NFATC3: variants seen among roughly 807,000 people sequenced by gnomAD.
The protein encoded by NFATC3 is nuclear factor of activated T cells 3, also known as nuclear factor of activated T-cells, cytoplasmic 3.
Under a neutral mutation model 98.6 loss-of-function variants are expected in NFATC3, and 46 were observed. The ratio of observed to expected loss-of-function variants is 0.47; its 90% CI spans 0.37 to 0.60. The LOEUF (loss-of-function observed/expected upper bound fraction) is 0.60, where lower values mean the gene tolerates loss of function less well. Ranked by LOEUF, NFATC3 falls within the 20% of genes least tolerant of loss-of-function variation. The pLI is 0.00. For synonymous variants in NFATC3, 512 were observed against 472.2 expected (o/e 1.08, Z -1.09); for missense variants, 1,256 against 1,295.5 (o/e 0.97, Z 0.47).
At chr16:68,182,462 T>C (rs1404398797) in intron 7 of NFATC3, among the ~76,000 whole-genome samples, 2 of 152,204 alleles carry the variant, frequency 1.3e-5, no homozygotes, top group Admixed American at 6.6e-5. Context: ...ATTTTTGATA[T>C]AGATAACACA....
At chr16:68,154,364 C>G (rs974290346) in intron 3 of NFATC3, among the ~76,000 whole-genome samples, 2 of 152,102 alleles carry the variant, frequency 1.3e-5, no homozygotes, top group African/African-American at 4.8e-5. Flanking sequence ...GCATTCATCC[C>G]TTTCCATTTC....
intron 1 of NFATC3, among the ~76,000 whole-genome samples, chr16:68,114,264 A>G (rs1443947309): frequency 1.3e-5 from 2 of 151,950 alleles, no homozygotes; most frequent in Non-Finnish European, 2.9e-5. Flanking sequence ...GGATCACACC[A>G]ACCACCTAGT....
intron 1 of NFATC3, among the ~76,000 whole-genome samples, chr16:68,092,717 C>G (rs1045376478): frequency 6.6e-6 from 1 of 152,048 alleles, no homozygotes; most frequent in Non-Finnish European, 1.5e-5. Context: ...ATAAGGATAC[C>G]CTGTTTCTTA....
In NFATC3 at chr16:68,214,159, ATTTAT is replaced by A. The variant is rs561327260; in HGVS notation, c.3107-12185_3107-12181del. Among the ~76,000 whole-genome samples, 6 of 152,282 alleles carry A rather than the reference ATTTAT, an allele frequency of 3.9e-5. No individual in the cohort carries two copies. The South Asian group carries it at 1.2e-3, about 32-fold the overall frequency. The stretch of plus-strand genomic sequence containing the variant: ...GTACCTGAGCTATCTGAACTCCAGT[ATTTAT>A]TTTATCTAATAAAATGTGGAGAGCC... On this transcript the variant is annotated intron_variant, in intron 9 of 9. Coordinates refer to ENST00000346183, the MANE Select transcript of NFATC3 (RefSeq NM_173165.3).
chr16:68,191,622 G>A lies in NFATC3; in HGVS notation c.2953G>A (p.Gly985Ser), dbSNP rs564615486. ...TCAAGCACAAAGTACGGGCCAGGGG[G>A]GTCTTTCTGCACCTTCATCCTTAAT... ...STQAQSTGQG[G>S]LSAPSSLICH... The change falls in exon 9 of 10, where the codon GGT (glycine) becomes AGT (serine). Residue 985 changes from glycine (G) to serine (S), a missense_variant. This residue lies in a region of NFATC3 where 636 missense variants were observed against 617.3 expected (regional missense o/e 1.03). Transcript: ENST00000346183. 1.5e-5 allele frequency: 25 copies of A among 1,614,070 alleles called. No homozygotes were observed. In the South Asian group the frequency reaches 2.4e-4, roughly 16 times the overall value.
chr16:68,135,977 C>G (rs1414161047), intron 3 of NFATC3, among the ~76,000 whole-genome samples: 1 of 151,824 alleles, frequency 6.6e-6, no homozygotes, highest in Non-Finnish European at 1.5e-5. Context: ...GCGAGAGTAT[C>G]ACTTGAACTC....
At chr16:68,212,637 C>G (rs1186139126) in intron 9 of NFATC3, 1 of 151,962 alleles carries the variant, frequency 6.6e-6, no homozygotes, top group Non-Finnish European at 1.5e-5. Context: ...TTGACAGCTT[C>G]CTACAATAAA....
intron 3 of NFATC3, among the ~76,000 whole-genome samples, chr16:68,152,915 G>A (rs552297549): frequency 5.3e-5 from 8 of 152,200 alleles, no homozygotes; most frequent in East Asian, 1.9e-4. Flanking sequence ...TCACACTACC[G>A]CTCAGGGCAG....
intron 1 of NFATC3, 92 bp from the exon 2 acceptor site, chr16:68,121,892 GTTA>G (rs2036600710): frequency 2.2e-6 from 3 of 1,387,372 alleles, no homozygotes; most frequent in East Asian, 2.3e-5. Context: ...TCTCGAGATT[GTTA>G]TTATTTACTT....
At chr16:68,180,309 T>G (rs1035232377) in intron 6 of NFATC3, among the ~76,000 whole-genome samples, 5 of 152,224 alleles carry the variant, frequency 3.3e-5, no homozygotes, top group South Asian at 4.1e-4. Flanking sequence ...GGAATAATGT[T>G]TAGCCTAGTT....
In NFATC3 at chr16:68,191,571, A is replaced by G; in HGVS notation, c.2902A>G (p.Arg968Gly). The change falls in exon 9 of 10, where the codon AGA becomes GGA. Residue 968 changes from arginine (R) to glycine (G), a missense_variant. Transcript: ENST00000346183. ...GTASSPSPAT[R>G]MHSGQHSTQA... is the part of the protein sequence containing the mutation. Reference sequence around the variant, plus strand: ...TGCCTCATCACCGTCTCCAGCCACCAGAATGCATTCTGGACAGCACTCAAC... The same window carrying G: ...TGCCTCATCACCGTCTCCAGCCACCGGAATGCATTCTGGACAGCACTCAAC... The G allele has an allele frequency of 6.2e-7, 1 of 1,614,166 alleles. No individual in the cohort carries two copies. Among genetic ancestry groups the G allele is most frequent in the Non-Finnish European group, 8.5e-7 (1 of 1,180,032 alleles).
intron 9 of NFATC3, among the ~76,000 whole-genome samples, chr16:68,199,014 C>T (rs1229742856): frequency 1.3e-5 from 2 of 151,764 alleles, no homozygotes; most frequent in Non-Finnish European, 2.9e-5. Context: ...CGCTGCTGCA[C>T]TCCAGCCTGG....
intron 1 of NFATC3, among the ~76,000 whole-genome samples, chr16:68,100,677 C>T (rs2035295520): frequency 6.6e-6 from 1 of 151,518 alleles, no homozygotes; most frequent in Non-Finnish European, 1.5e-5. Context: ...TCTTGGGCAG[C>T]ATTTGGTATT....
intron 3 of NFATC3, among the ~76,000 whole-genome samples, chr16:68,144,985 T>C (rs1467767761): frequency 6.6e-6 from 1 of 152,038 alleles, no homozygotes; most frequent in Non-Finnish European, 1.5e-5. Context: ...AAAAATTTTT[T>C]TCGTAGAGAT....
At chr16:68,098,103 C>A (rs1483045829) in intron 1 of NFATC3, among the ~76,000 whole-genome samples, 1 of 151,842 alleles carries the variant, frequency 6.6e-6, no homozygotes, top group Non-Finnish European at 1.5e-5. Context: ...TATCCATTCA[C>A]CTGTTGATGG....
At chr16:68,109,504 A>G (rs1006419570) in intron 1 of NFATC3, among the ~76,000 whole-genome samples, 5 of 152,184 alleles carry the variant, frequency 3.3e-5, no homozygotes, top group East Asian at 1.9e-4. Context: ...TTTGGGATCA[A>G]TGTTCATCAG....
chr16:68,086,583 T>C, intron 1 of NFATC3: 1 of 949,956 alleles, frequency 1.1e-6, no homozygotes. Context: ...AGCTCTTTTG[T>C]GACCTGGTTT....
chr16:68,191,051 A>G lies in NFATC3; in HGVS notation c.2382A>G (p.Pro794=). The G allele has an allele frequency of 1.2e-6, 2 of 1,614,208 alleles. No homozygotes were observed. Among genetic ancestry groups the G allele is most frequent in the South Asian group, 1.1e-5 (1 of 91,088 alleles). ...TACACCAGCCTTTTCAAGTCACACC[A>G]ACACCTCCTGTGGGGTCTTCCTATC... is the stretch of plus-strand genomic sequence containing the variant. The part of the protein sequence containing the change: ...PIVHQPFQVT[P]TPPVGSSYQP... The change falls in exon 9 of 10, where the codon CCA becomes CCG. Residue 794 remains proline (P), a synonymous_variant. Transcript: ENST00000346183.
chr16:68,114,927 T>G (rs1348724216), intron 1 of NFATC3, among the ~76,000 whole-genome samples: 1 of 152,244 alleles, frequency 6.6e-6, no homozygotes, highest in African/African-American at 2.4e-5. Context: ...AACCTATTAA[T>G]GTTGCTACCA....
Sources: allele counts gnomAD v4.1 joint callset (sites outside exome capture counted in the v4.1 genomes callset), GRCh38; gene constraint gnomAD v4.1.1; regional missense constraint gnomAD v4.1.1; transcripts MANE v1.5; gene names NCBI Gene and HGNC (gene_info 2026-07-23, HGNC 2026-07-21).